Variants in RBFOX1 observed in about 807,000 individuals in gnomAD.
RBFOX1 encodes the protein RNA binding protein fox-1 homolog 1.
Under a neutral mutation model 57.7 loss-of-function variants are expected in RBFOX1, and 8 were observed. The observed-to-expected ratio is 0.14, with a 90% confidence interval of 0.08 to 0.25. The LOEUF is 0.25. RBFOX1 is among the 10% of genes least tolerant of loss of function. RBFOX1 has a pLI of 1.00. For missense variants in RBFOX1, 611 were observed against 548.5 expected (o/e 1.11, Z -1.14); for synonymous variants, 326 against 222.4 (o/e 1.47, Z -4.15).
chr16:6,299,084 G>T (rs559496485), intron 1 of RBFOX1, among the ~76,000 whole-genome samples: 6 of 152,288 alleles, frequency 3.9e-5, no homozygotes, highest in African/African-American at 1.4e-4. Flanking sequence ...GCAACCCACA[G>T]TCTTGTTTGC....
Position 5,733,925 on chromosome 16 carries a change from C to T in RBFOX1, c.319-133378C>T, listed in dbSNP as rs375044887. Among the ~76,000 whole-genome samples, 7 of 152,218 alleles carry T rather than the reference C, an allele frequency of 4.6e-5. No individual in the cohort carries two copies. In the South Asian group the frequency reaches 8.3e-4, roughly 18 times the overall value. On this transcript the variant is annotated intron_variant, in intron 3 of 19. Transcript: ENST00000641259. The stretch of plus-strand genomic sequence containing the variant: ...ATCTATTCTGCCCTACCCCACCCTT[C>T]ATTTTCTCCATTTCCTTCATGCTTC...
At chr16:7,504,927 C>G (rs546956673) in intron 4 of RBFOX1, among the ~76,000 whole-genome samples, 1 of 148,516 alleles carries the variant, frequency 6.7e-6, no homozygotes, top group Non-Finnish European at 1.5e-5. Flanking sequence ...AGCAATTTCG[C>G]AAACAGACAG....
intron 2 of RBFOX1, among the ~76,000 whole-genome samples, chr16:6,344,391 CTTT>C (rs968842626): frequency 1.2e-4 from 11 of 94,418 alleles, no homozygotes; most frequent in Non-Finnish European, 2.1e-5. Context: ...CTCTCTTCTT[CTTT>C]TTTCTTTTTT....
chr16:5,863,331 C>G (rs1370052626), intron 3 of RBFOX1, among the ~76,000 whole-genome samples: 1 of 152,214 alleles, frequency 6.6e-6, no homozygotes, highest in African/African-American at 2.4e-5. Context: ...GCACCCTGCG[C>G]TGGTCCACAG....
chr16:5,570,695 C>T (rs1198053463), intron 2 of RBFOX1, among the ~76,000 whole-genome samples: 3 of 152,072 alleles, frequency 2.0e-5, no homozygotes, highest in Admixed American at 1.3e-4. Flanking sequence ...CAAAAATTAG[C>T]TGGGCTTGTT....
intron 4 of RBFOX1, among the ~76,000 whole-genome samples, chr16:7,083,945 G>A (rs938501998): frequency 6.6e-6 from 1 of 152,006 alleles, no homozygotes; most frequent in Non-Finnish European, 1.5e-5. Flanking sequence ...CCATGCAGCT[G>A]TTTTTTTCCT....
intron 1 of RBFOX1, among the ~76,000 whole-genome samples, chr16:5,406,064 A>T (rs1423152030): frequency 6.6e-6 from 1 of 152,200 alleles, no homozygotes; most frequent in Non-Finnish European, 1.5e-5. Context: ...CTTACTTGCA[A>T]CCAAAGGCAT....
intron 4 of RBFOX1, among the ~76,000 whole-genome samples, chr16:7,254,981 G>A (rs550837628): frequency 6.6e-6 from 1 of 152,054 alleles, no homozygotes; most frequent in Admixed American, 6.6e-5. Flanking sequence ...GTTTTCCACA[G>A]TTTTCTTGAG....
intron 3 of RBFOX1, among the ~76,000 whole-genome samples, chr16:6,675,020 C>G (rs4786905): frequency 0.26 from 39,529 of 152,062 alleles, 6,700 homozygotes; most frequent in Middle Eastern, 0.42. Flanking sequence ...ATTCTCGTGC[C>G]TCAGCCTCCT....
At chr16:5,269,890 C>G (rs184713857) in intron 1 of RBFOX1, among the ~76,000 whole-genome samples, 1 of 152,164 alleles carries the variant, frequency 6.6e-6, no homozygotes, top group Non-Finnish European at 1.5e-5. Context: ...CATGGTGGCT[C>G]ACACCTGAAA....
At chr16:7,048,010 C>G (rs56256527) in intron 3 of RBFOX1, among the ~76,000 whole-genome samples, 1 of 151,538 alleles carries the variant, frequency 6.6e-6, no homozygotes, top group Non-Finnish European at 1.5e-5. Flanking sequence ...GTCTGAGTAG[C>G]TGGGAATAAA....
chr16:7,205,249 G>A (rs748264147), intron 4 of RBFOX1, among the ~76,000 whole-genome samples: 12 of 152,052 alleles, frequency 7.9e-5, no homozygotes, highest in Non-Finnish European at 1.6e-4. Context: ...GGGGCGTGGC[G>A]GCTCACACCT....
intron 3 of RBFOX1, among the ~76,000 whole-genome samples, chr16:5,812,340 C>G (rs989306342): frequency 2.3e-4 from 35 of 152,132 alleles, no homozygotes; most frequent in African/African-American, 8.2e-4. Context: ...GAATATTTAA[C>G]TTTTTAAGAA....
At chr16:7,297,882 T>C (rs2095932699) in intron 4 of RBFOX1, among the ~76,000 whole-genome samples, 1 of 152,204 alleles carries the variant, frequency 6.6e-6, no homozygotes, top group East Asian at 1.9e-4. Context: ...TTGATTTATT[T>C]GTTTCCGGGC....
At chr16:6,239,485 C>CTTTTT (rs59244306) in intron 1 of RBFOX1, among the ~76,000 whole-genome samples, 4 of 67,802 alleles carry the variant, frequency 5.9e-5, no homozygotes, top group African/African-American at 2.3e-4. Flanking sequence ...CCAACTGACT[C>CTTTTT]TTTTTTTTTT....
chr16:5,248,576 C>A (rs960926325), intron 1 of RBFOX1, among the ~76,000 whole-genome samples: 1 of 152,146 alleles, frequency 6.6e-6, no homozygotes, highest in Non-Finnish European at 1.5e-5. Context: ...ATCAGAGCCC[C>A]GGGGCAGGAG....
At chr16:7,649,777 G>A (rs571553024) in intron 11 of RBFOX1, among the ~76,000 whole-genome samples, 47 of 152,198 alleles carry the variant, frequency 3.1e-4, no homozygotes, top group African/African-American at 1.1e-3. Context: ...CCACCCTTAC[G>A]CAGCTTGCAT....
At chr16:7,600,243 A>G (rs971353773) in intron 9 of RBFOX1, among the ~76,000 whole-genome samples, 2 of 152,184 alleles carry the variant, frequency 1.3e-5, no homozygotes, top group South Asian at 2.1e-4. Context: ...TATGGCACCT[A>G]AGGGGTTGAT....
intron 1 of RBFOX1, among the ~76,000 whole-genome samples, chr16:6,227,304 G>C (rs2097425346): frequency 6.6e-6 from 1 of 152,106 alleles, no homozygotes; most frequent in Non-Finnish European, 1.5e-5. Flanking sequence ...CTAAGAATTT[G>C]AATTTTTTAA....
Sources: gnomAD v4.1 joint callset for allele counts (sites outside exome capture counted in the v4.1 genomes callset) on GRCh38, gnomAD v4.1.1 for gene constraint, MANE v1.5 for transcripts, NCBI Gene and HGNC (gene_info 2026-07-23, HGNC 2026-07-21) for gene names.